Variants in ZNF681 observed in about 807,000 individuals in gnomAD.
ZNF681 encodes zinc finger protein 681.
ZNF681 carries 37 observed loss-of-function variants against 56.0 expected under a neutral mutation model. The ratio of observed to expected loss-of-function variants is 0.66; its 90% CI spans 0.51 to 0.87. ZNF681 has a LOEUF of 0.87. Ranked by LOEUF, ZNF681 falls within the 40% of genes least tolerant of loss-of-function variation. The pLI is 0.00. For synonymous variants in ZNF681, 225 were observed against 248.6 expected (o/e 0.91, Z 0.89); for missense variants, 741 against 744.9 (o/e 0.99, Z 0.06).
chr19:23,755,759 T>C (rs7258292), intron 1 of ZNF681, among the ~76,000 whole-genome samples: 115,991 of 152,086 alleles, frequency 0.76, 44,778 homozygotes, highest in Admixed American at 0.83. Flanking sequence ...TCTCCAACCA[T>C]GAGAAAAGAA....
At chr19:23,756,437 A>G (rs1377324606) in intron 1 of ZNF681, among the ~76,000 whole-genome samples, 1 of 152,198 alleles carries the variant, frequency 6.6e-6, no homozygotes, top group African/African-American at 2.4e-5. Context: ...TGGTACATAC[A>G]CAACCATGGA....
At chr19:23,745,658 G>A (rs1756480864) in intron 3 of ZNF681, among the ~76,000 whole-genome samples, 1 of 151,506 alleles carries the variant, frequency 6.6e-6, no homozygotes, top group African/African-American at 2.4e-5. Flanking sequence ...TCACCATATT[G>A]GCCAGGCTGG....
intron 1 of ZNF681, 96 bp from the exon 2 acceptor site, chr19:23,755,647 G>A: frequency 3.1e-6 from 4 of 1,302,610 alleles, no homozygotes; most frequent in South Asian, 4.4e-5. Flanking sequence ...TTTGATTCAA[G>A]GTAAAATAAG....
rs933330369 is a variant in ZNF681 at position 23,740,728 on chromosome 19, A to T, written c.*2884T>A. ...AAACTGAAAGGAACAAAAACTAAAAAAAGTAGGCTTATACAGCGTTCTCCA... is the reference window on the plus strand; with the variant it reads ...AAACTGAAAGGAACAAAAACTAAAATAAGTAGGCTTATACAGCGTTCTCCA... On this transcript the variant is annotated 3_prime_UTR_variant, in exon 4 of 4. Coordinates refer to ENST00000402377, the MANE Select transcript of ZNF681 (RefSeq NM_138286.3). The T allele has an allele frequency of 4.6e-5, 7 of 152,184 alleles. No individual in the cohort carries two copies. The highest frequency in any genetic ancestry group is 1.4e-4 in the African/African-American group (6 of 41,430). The allele number at this position is 152,184 out of a possible 1,614,324, so 9.4% of individuals were successfully genotyped here.
intron 3 of ZNF681, 126 bp from the exon 4 acceptor site, chr19:23,745,449 ATTTTT>A: frequency 7.1e-5 from 34 of 480,750 alleles, no homozygotes; most frequent in Middle Eastern, 6.1e-4. Context: ...AAAGGCCCTA[ATTTTT>A]TTTTTTTTTT....
At chr19:23,757,679 C>T (rs1269404924) in intron 1 of ZNF681, among the ~76,000 whole-genome samples, 1 of 152,102 alleles carries the variant, frequency 6.6e-6, no homozygotes, top group African/African-American at 2.4e-5. Context: ...AGCCAAAACT[C>T]CGATCTCCAA....
At chr19:23,748,670 G>A (rs1392948782) in intron 3 of ZNF681, among the ~76,000 whole-genome samples, 1 of 152,008 alleles carries the variant, frequency 6.6e-6, no homozygotes, top group Non-Finnish European at 1.5e-5. Flanking sequence ...CAAGGTCCAT[G>A]GCAGTTAATA....
intron 3 of ZNF681, 100 bp downstream of exon 3, chr19:23,754,723 A>C: frequency 1.0e-6 from 1 of 980,414 alleles, no homozygotes; most frequent in Non-Finnish European, 1.6e-6. Flanking sequence ...TTTCCTTTGG[A>C]ATACAGCTTC....
chr19:23,756,623 T>C (rs1007923086), intron 1 of ZNF681, among the ~76,000 whole-genome samples: 1 of 151,732 alleles, frequency 6.6e-6, no homozygotes, highest in Non-Finnish European at 1.5e-5. Context: ...AGACAAACCA[T>C]ACACACCAGG....
intron 1 of ZNF681, among the ~76,000 whole-genome samples, chr19:23,756,643 G>T (rs1439120517): frequency 3.3e-5 from 5 of 151,932 alleles, no homozygotes; most frequent in African/African-American, 4.8e-5. Context: ...GGCCAGTCGG[G>T]GGGTGGAGGG....
Position 23,744,621 on chromosome 19 carries a change from T to A in ZNF681, c.929A>T (p.Asn310Ile). Residue 310 changes from asparagine (N) to isoleucine (I), a missense_variant, in exon 4 of 4, where the codon AAT (asparagine) becomes ATT (isoleucine). By Grantham distance (149) the Asn-to-Ile change is moderately radical. Coordinates refer to ENST00000402377, the MANE Select transcript of ZNF681 (RefSeq NM_138286.3). ...HKIIHTREKL[N>I]EYKECGKAFN... is the part of the protein sequence containing the mutation. ...AGCTTTGCCACATTCCTTATATTCATTGAGTTTCTCTCTGGTATGAATTAT... is the reference window on the plus strand; with the variant it reads ...AGCTTTGCCACATTCCTTATATTCAATGAGTTTCTCTCTGGTATGAATTAT... The A allele has an allele frequency of 6.2e-7, 1 of 1,614,064 alleles. No individual in the cohort carries two copies. Among genetic ancestry groups the A allele is most frequent in the Non-Finnish European group, 8.5e-7 (1 of 1,179,952 alleles).
intron 3 of ZNF681, among the ~76,000 whole-genome samples, chr19:23,751,941 C>G (rs531204314): frequency 4.6e-5 from 7 of 152,160 alleles, no homozygotes; most frequent in Non-Finnish European, 1.0e-4. Flanking sequence ...CCCACCTTGG[C>G]CTCCCAGAGT....
In ZNF681 at chr19:23,744,394, T is replaced by C; in HGVS notation, c.1156A>G (p.Ile386Val). ...TAGGGTTTCTCTCCAGTATGAATTA[T>C]CTTATGTGTAGTAAGGTGTGAGGAC... Reference protein sequence around the residue: ...RQSSHLTTHKIIHTGEKPYKC... With the variant: ...RQSSHLTTHKVIHTGEKPYKC... Residue 386 changes from isoleucine (I) to valine (V), a missense_variant, in exon 4 of 4, where the codon ATA becomes GTA. Ile to Val is a conservative substitution (Grantham distance 29). Coordinates refer to ENST00000402377, the MANE Select transcript of ZNF681 (RefSeq NM_138286.3). The C allele has an allele frequency of 6.2e-7, 1 of 1,613,622 alleles. No individual in the cohort carries two copies. Among genetic ancestry groups the C allele is most frequent in the African/African-American group, 1.3e-5 (1 of 75,054 alleles).
chr19:23,748,077 C>T (rs7246142), intron 3 of ZNF681, among the ~76,000 whole-genome samples: 14,394 of 151,828 alleles, frequency 0.095, 751 homozygotes, highest in East Asian at 0.22. Context: ...AATGACATGA[C>T]GTTGTTCTTG....
At chr19:23,746,217 G>A (rs977854536) in intron 3 of ZNF681, among the ~76,000 whole-genome samples, 4 of 152,058 alleles carry the variant, frequency 2.6e-5, no homozygotes, top group African/African-American at 9.7e-5. Context: ...GGGAGGCTGA[G>A]GCAGGAGAAT....
At position 23,739,309 on chromosome 19, in the gene ZNF681, C is replaced by T. The variant is rs1231643035; in HGVS notation, c.*4303G>A. The T allele has an allele frequency of 2.0e-5, 3 of 151,984 alleles. No homozygotes were observed. Among genetic ancestry groups the T allele is most frequent in the African/African-American group, 7.3e-5 (3 of 41,344 alleles). The allele number at this position is 151,984 out of a possible 1,614,324, so 9.4% of individuals were successfully genotyped here. On this transcript the variant is annotated 3_prime_UTR_variant, in exon 4 of 4. Coordinates refer to ENST00000402377, the MANE Select transcript of ZNF681 (RefSeq NM_138286.3). ...ACTGAAGTGGAGAATAAAATGGTGACCACCAGATGCCAACATATTTGGAAA... is the reference window on the plus strand; with the variant it reads ...ACTGAAGTGGAGAATAAAATGGTGATCACCAGATGCCAACATATTTGGAAA...
At chr19:23,747,486 A>G (rs1968961333) in intron 3 of ZNF681, among the ~76,000 whole-genome samples, 1 of 151,556 alleles carries the variant, frequency 6.6e-6, no homozygotes, top group African/African-American at 2.4e-5. Flanking sequence ...AAAAATACAA[A>G]AAAATTAGCC....
At position 23,755,563 on chromosome 19, in the gene ZNF681, A is replaced by G; in HGVS notation, c.4-12T>C. On this transcript the variant is annotated splice_polypyrimidine_tract_variant and intron_variant, in intron 1 of 3. Transcript: ENST00000402377. Reference sequence around the variant, plus strand: ...AATTTCAATGGTTCCTGAAAAACACACACACACACACACACACACACACAC... The same window carrying G: ...AATTTCAATGGTTCCTGAAAAACACGCACACACACACACACACACACACAC... 7.6e-7 allele frequency: 1 copy of G among 1,324,372 alleles called. No homozygotes were observed. The highest frequency in any genetic ancestry group is 1.0e-6 in the Non-Finnish European group (1 of 1,002,998). The allele number at this position is 1,324,372 out of a possible 1,614,324, so 82.0% of individuals were successfully genotyped here.
chr19:23,751,368 C>T (rs1458439545), intron 3 of ZNF681, among the ~76,000 whole-genome samples: 2 of 150,848 alleles, frequency 1.3e-5, no homozygotes, highest in East Asian at 2.0e-4. Context: ...CCCAGCTACT[C>T]GGGAGGCTGA....
Sources: gnomAD v4.1 joint callset for allele counts (sites outside exome capture counted in the v4.1 genomes callset) on GRCh38, gnomAD v4.1.1 for gene constraint, MANE v1.5 for transcripts, NCBI Gene and HGNC (gene_info 2026-07-23, HGNC 2026-07-21) for gene names.